The following MYO18A variants were observed in gnomAD, a reference collection of about 807,000 sequenced individuals.
MYO18A encodes the protein unconventional myosin-XVIIIa.
Under a neutral mutation model 235.8 loss-of-function variants are expected in MYO18A, and 78 were observed. The ratio of observed to expected loss-of-function variants is 0.33; its 90% CI spans 0.28 to 0.40. MYO18A has a LOEUF of 0.40. Among genes scored for constraint, MYO18A ranks in the 10% least tolerant of loss-of-function variants. The pLI is 1.00. For synonymous variants in MYO18A, 977 were observed against 1,077.8 expected (o/e 0.91, Z 1.83); for missense variants, 2,215 against 2,699.3 (o/e 0.82, Z 3.98).
intron 41 of MYO18A, chr17:29,077,317 C>G (rs1289741194): frequency 6.6e-6 from 1 of 152,248 alleles, no homozygotes; most frequent in Non-Finnish European, 1.5e-5. Flanking sequence ...TTTAAAAAAG[C>G]CTTCCTCCTC....
chr17:29,168,185 G>A (rs1028607792), intron 1 of MYO18A, among the ~76,000 whole-genome samples: 2 of 151,364 alleles, frequency 1.3e-5, no homozygotes, highest in African/African-American at 4.9e-5. Flanking sequence ...TGGGGGTGGG[G>A]TAGGGTCCAC....
intron 2 of MYO18A, among the ~76,000 whole-genome samples, chr17:29,130,595 G>A (rs1328805943): frequency 6.6e-6 from 1 of 151,232 alleles, no homozygotes; most frequent in Non-Finnish European, 1.5e-5. Flanking sequence ...ACAGTGCCTG[G>A]CTAATCAAAC....
intron 36 of MYO18A, 48 bp from the exon 37 acceptor site, chr17:29,090,146 G>A: frequency 1.9e-6 from 3 of 1,586,004 alleles, no homozygotes; most frequent in Non-Finnish European, 2.6e-6. Context: ...CCCAGAAAGG[G>A]AGGAGACTGC....
intron 37 of MYO18A, 114 bp from the exon 38 acceptor site, chr17:29,087,235 G>T: frequency 9.1e-7 from 1 of 1,102,944 alleles, no homozygotes; most frequent in Non-Finnish European, 1.3e-6. Flanking sequence ...TGGCTCCACC[G>T]TTCATTGGCT....
At position 29,125,918 on chromosome 17, in the gene MYO18A, C is replaced by T. The variant is rs11080077; in HGVS notation, c.1000-3665G>A. ...AGAAGCTGTGAAGATCCTCTCCAGC[C>T]GCTGGTGGGCCTCTTCCACGGGGGT... On this transcript the variant is annotated intron_variant, in intron 2 of 41. Coordinates refer to ENST00000527372, the MANE Select transcript of MYO18A (RefSeq NM_078471.4). The surrounding 1 kb of genome is among the most constrained non-coding windows in gnomAD (Gnocchi z 5.1). 0.28 allele frequency: 278,372 copies of T among 985,156 alleles called. 41,483 individuals carry two copies. Among genetic ancestry groups the T allele is most frequent in the Non-Finnish European group, 0.3 (250,781 of 829,336 alleles). 61.0% of individuals were successfully genotyped at this position (985,156 alleles called of 1,614,324 possible). A position where few individuals can be genotyped will look rare whatever the true frequency, so the allele number is the denominator to read the frequency against.
chr17:29,128,749 CT>C (rs2067387597), intron 2 of MYO18A, among the ~76,000 whole-genome samples: 1 of 152,210 alleles, frequency 6.6e-6, no homozygotes, highest in African/African-American at 2.4e-5. Context: ...AGTCTGGCTT[CT>C]TTCCCACAAA....
At position 29,121,866 on chromosome 17, in the gene MYO18A, C is replaced by T; in HGVS notation, c.1179G>A (p.Glu393=). 2 of 1,613,966 alleles carry T rather than the reference C, an allele frequency of 1.2e-6. No homozygotes were observed. Among genetic ancestry groups the T allele is most frequent in the African/African-American group, 1.3e-5 (1 of 75,042 alleles). ...DHDGAILDVD[E]DDVEKANAPS... ...GCCCACCTACCTTCTCAACGTCATC[C>T]TCATCCACATCCAGGATGGCCCCAT... The change falls in exon 4 of 42, where the codon GAG becomes GAA. Residue 393 remains glutamate (E), a synonymous_variant. Coordinates refer to ENST00000527372, the MANE Select transcript of MYO18A (RefSeq NM_078471.4). This position sits in a 1 kb window ranked among gnomAD's most constrained non-coding sequence, Gnocchi z 4.2.
rs566347249 is a variant in MYO18A at position 29,098,837 on chromosome 17, G to T, written c.3769C>A (p.Arg1257=). Residue 1257 remains arginine, a synonymous_variant, in exon 23 of 42, where the codon CGG becomes AGG. Coordinates refer to ENST00000527372, the MANE Select transcript of MYO18A (RefSeq NM_078471.4). The part of the protein sequence containing the change: ...IEVQLSEEQI[R]NKDEEIQQLR... ...AGGCTGTCACATACGTCTTTGTTCCGGATCTGCTCCTCTGACAGCTGTACT... is the reference window on the plus strand; with the variant it reads ...AGGCTGTCACATACGTCTTTGTTCCTGATCTGCTCCTCTGACAGCTGTACT... 1 of 1,613,932 alleles carries T rather than the reference G, an allele frequency of 6.2e-7. No individual in the cohort carries two copies. The highest frequency in any genetic ancestry group is 1.1e-5 in the South Asian group (1 of 91,090).
At chr17:29,155,596 G>C (rs747415144) in intron 2 of MYO18A, 1 of 152,384 alleles carries the variant, frequency 6.6e-6, no homozygotes, top group Non-Finnish European at 1.5e-5. Flanking sequence ...GAGGGAACCA[G>C]GCCCCGAAGG....
At chr17:29,090,643 C>T (rs1221024051) in intron 35 of MYO18A, 28 bp from the exon 36 acceptor site, 1 of 1,587,662 alleles carries the variant, frequency 6.3e-7, no homozygotes, top group Non-Finnish European at 8.6e-7. Context: ...GCATCAGAAG[C>T]AGGATCCCCC....
rs1171872021 is a variant in MYO18A, at chr17:29,080,316, G to T, written c.6020+2000C>A. 3.0e-6 allele frequency: 3 copies of T among 985,998 alleles called. No individual in the cohort carries two copies. The African/African-American group carries it at 5.2e-5, about 17-fold the overall frequency. 61.1% of individuals were successfully genotyped at this position (985,998 alleles called of 1,614,324 possible). ...AGGAGTGACGGCTGACGGAGCGGAC[G>T]CTGGAGCTGGGAGGCTCATCCACTG... On this transcript the variant is annotated intron_variant, in intron 41 of 41. Coordinates refer to ENST00000527372, the MANE Select transcript of MYO18A (RefSeq NM_078471.4).
chr17:29,126,504 G>A lies in MYO18A; in HGVS notation c.1000-4251C>T, dbSNP rs556759271. 6.6e-6 allele frequency among the ~76,000 whole-genome samples: 1 copy of A among 152,264 alleles called. No individual in the cohort carries two copies. The highest frequency in any genetic ancestry group is 2.1e-4 in the South Asian group (1 of 4,824). On this transcript the variant is annotated intron_variant, in intron 2 of 41. Transcript: ENST00000527372. The surrounding 1 kb of genome is among the most constrained non-coding windows in gnomAD (Gnocchi z 4.1). ...ATTCACAGAGTGGGCCAGGTGGGTG[G>A]GGGAAGCGGCGGCTGGCTTTTCTCT... is the stretch of plus-strand genomic sequence containing the variant.
rs901280318 is a variant in MYO18A, at chr17:29,180,045, C to G, written c.-82+268G>C. Among the ~76,000 whole-genome samples, 1 of 151,876 alleles carries G rather than the reference C, an allele frequency of 6.6e-6. No homozygotes were observed. Among genetic ancestry groups the G allele is most frequent in the Non-Finnish European group, 1.5e-5 (1 of 67,868 alleles). The stretch of plus-strand genomic sequence containing the variant: ...CTGAAGGCCACCCTGTCCTGCCTCC[C>G]TGCGCCCCCCAGGTTGGCTGGAAGG... On this transcript the variant is annotated intron_variant, in intron 1 of 41. Transcript: ENST00000527372. The surrounding 1 kb of genome is among the most constrained non-coding windows in gnomAD (Gnocchi z 6.1).
chr17:29,074,311 G>A lies in MYO18A; in HGVS notation c.*459C>T. ...TAAATTAAAAAGTAGAAAGACAGCA[G>A]GCACCAAGAAGAGAGAGCCCCCACC... On this transcript the variant is annotated 3_prime_UTR_variant, in exon 42 of 42. Coordinates refer to ENST00000527372, the MANE Select transcript of MYO18A (RefSeq NM_078471.4). The surrounding 1 kb of genome is among the most constrained non-coding windows in gnomAD (Gnocchi z 4.4). 2 of 1,020,130 alleles carry A rather than the reference G, an allele frequency of 2.0e-6. No homozygotes were observed. The highest frequency in any genetic ancestry group is 2.8e-6 in the Non-Finnish European group (2 of 707,686). The allele number at this position is 1,020,130 out of a possible 1,614,324, so 63.2% of individuals were successfully genotyped here.
rs940051089 is a variant in MYO18A at position 29,073,742 on chromosome 17, G to A, written c.*1028C>T. 3 of 1,113,944 alleles carry A rather than the reference G, an allele frequency of 2.7e-6. No individual in the cohort carries two copies. Among genetic ancestry groups the A allele is most frequent in the African/African-American group, 3.1e-5 (2 of 64,096 alleles). The allele number at this position is 1,113,944 out of a possible 1,614,324, so 69.0% of individuals were successfully genotyped here. On this transcript the variant is annotated 3_prime_UTR_variant, in exon 42 of 42. Coordinates refer to ENST00000527372, the MANE Select transcript of MYO18A (RefSeq NM_078471.4). Reference sequence around the variant, plus strand: ...GGTGTTGTGTCTGGGATAAGTGTGTGGGGGCAGGGAGGTTGGAAGAATGAC... The same window carrying A: ...GGTGTTGTGTCTGGGATAAGTGTGTAGGGGCAGGGAGGTTGGAAGAATGAC...
intron 2 of MYO18A, among the ~76,000 whole-genome samples, chr17:29,161,355 CAAAAAAAAAAA>C (rs1175565325): frequency 6.6e-4 from 33 of 50,334 alleles, no homozygotes; most frequent in Admixed American, 1.5e-3. Context: ...AACTCCATGT[CAAAAAAAAAAA>C]AAAAAAAAAA....
chr17:29,081,165 A>AGTG (rs966386696), intron 41 of MYO18A, among the ~76,000 whole-genome samples: 1 of 152,186 alleles, frequency 6.6e-6, no homozygotes, highest in African/African-American at 2.4e-5. Flanking sequence ...GCCCTGGCAA[A>AGTG]GTGGTGGTGA....
At chr17:29,091,837 G>A (rs2066405359) in intron 34 of MYO18A, 14 of 338,782 alleles carry the variant, frequency 4.1e-5, no homozygotes, top group Admixed American at 8.0e-5. Context: ...TGTACTGGCC[G>A]CATCCCAGTA....
At chr17:29,171,445 A>G (rs989873082) in intron 1 of MYO18A, among the ~76,000 whole-genome samples, 1 of 152,196 alleles carries the variant, frequency 6.6e-6, no homozygotes, top group Admixed American at 6.5e-5. Flanking sequence ...ATCTCAAAAA[A>G]AAAAAGATTT....
Sources: allele counts gnomAD v4.1 joint callset (sites outside exome capture counted in the v4.1 genomes callset), GRCh38; gene constraint gnomAD v4.1.1; non-coding constraint Gnocchi (gnomAD v3.1); transcripts MANE v1.5; gene names NCBI Gene and HGNC (gene_info 2026-07-23, HGNC 2026-07-21).